CORO2B: variants seen among roughly 807,000 people sequenced by gnomAD.
CORO2B encodes the protein coronin-2B.
In CORO2B, 26 loss-of-function variants were observed where a neutral mutation model predicts 58.8. That is an observed-to-expected ratio of 0.44 (90% CI 0.32 to 0.61). The LOEUF is 0.61. Ranked by LOEUF, CORO2B falls within the 20% of genes least tolerant of loss-of-function variation. The pLI is 0.04. For synonymous variants in CORO2B, 242 were observed against 253.8 expected, an observed-to-expected ratio of 0.95 and a Z score of 0.44; for missense variants, 460 against 645.1, an observed-to-expected ratio of 0.71 and a Z score of 3.11.
At chr15:68,671,556 T>A (rs1266870375) in intron 2 of CORO2B, among the ~76,000 whole-genome samples, 1 of 152,148 alleles carries the variant, frequency 6.6e-6, no homozygotes. Flanking sequence ...TGGTTCAGGG[T>A]CTCATTTGGT....
In CORO2B at chr15:68,714,680, G is replaced by T. The variant is rs1324776228; in HGVS notation, c.870+17G>T. On this transcript the variant is annotated intron_variant, in intron 7 of 11. Transcript: ENST00000261861. Reference sequence around the variant, plus strand: ...GCTGGAAAGGTAGTAGGAGGTGGGGGAGGGCCCGGGGCAGCCTGTGGGAGA... The same window carrying T: ...GCTGGAAAGGTAGTAGGAGGTGGGGTAGGGCCCGGGGCAGCCTGTGGGAGA... 1 of 1,597,686 alleles carries T rather than the reference G, an allele frequency of 6.3e-7. No homozygotes were observed. Among genetic ancestry groups the T allele is most frequent in the Non-Finnish European group, 8.6e-7 (1 of 1,165,770 alleles).
At chr15:68,661,545 C>A (rs1332931071) in intron 2 of CORO2B, among the ~76,000 whole-genome samples, 5 of 152,162 alleles carry the variant, frequency 3.3e-5, no homozygotes, top group African/African-American at 1.2e-4. Context: ...GAGTTAGCAG[C>A]TTTACAGATA....
chr15:68,640,531 TAGG>T (rs1463496137), intron 1 of CORO2B, among the ~76,000 whole-genome samples: 9 of 145,662 alleles, frequency 6.2e-5, no homozygotes, highest in African/African-American at 2.3e-4. Flanking sequence ...AAAAAGGTGA[TAGG>T]AGTATTGTAG....
intron 3 of CORO2B, among the ~76,000 whole-genome samples, chr15:68,704,540 C>G (rs955817799): frequency 3.9e-5 from 6 of 152,114 alleles, no homozygotes. Flanking sequence ...AAGCTTCTTG[C>G]TTGTTGGCCA....
rs752158574 is a variant in CORO2B, at chr15:68,710,736, G to A, written c.338G>A (p.Arg113Gln). The change falls in exon 4 of 12, where the codon CGG becomes CAG. Residue 113 changes from arginine to glutamine, a missense_variant. By Grantham distance (43) the Arg-to-Gln change is conservative. This residue lies in a region of CORO2B where 352 missense variants were observed against 543.0 expected (regional missense o/e 0.65). Transcript: ENST00000261861. This position sits in a 1 kb window ranked among gnomAD's most constrained non-coding sequence, Gnocchi z 4.1. ...GACCCTCATCTCCCTCTGCAGGTGC[G>A]GATCTGGGAGATCCCCGAGGGCGGG... is the stretch of plus-strand genomic sequence containing the variant. ...IASCSEDTSV[R>Q]IWEIPEGGLK... The A allele has an allele frequency of 5.0e-6, 8 of 1,603,002 alleles. No individual in the cohort carries two copies. Among genetic ancestry groups the A allele is most frequent in the Admixed American group, 1.7e-5 (1 of 59,040 alleles).
At chr15:68,666,016 AC>A in intron 2 of CORO2B, among the ~76,000 whole-genome samples, 1 of 152,048 alleles carries the variant, frequency 6.6e-6, no homozygotes, top group Non-Finnish European at 1.5e-5. Context: ...TCAGGTATTT[AC>A]CTTTTACATA....
At chr15:68,565,783 T>C in the CORO2B span, among the ~76,000 whole-genome samples, 7 of 152,226 alleles carry the variant, frequency 4.6e-5, no homozygotes, top group Non-Finnish European at 7.3e-5. Flanking sequence ...TGGAGCCTTC[T>C]GTTCTGGATA....
intron 1 of CORO2B, among the ~76,000 whole-genome samples, chr15:68,614,053 C>T (rs1900298959): frequency 1.3e-5 from 2 of 152,194 alleles, no homozygotes; most frequent in African/African-American, 4.8e-5. Flanking sequence ...GGACCACCTG[C>T]ATTGGAATCT....
chr15:68,555,985 C>T, the CORO2B span, among the ~76,000 whole-genome samples: 2 of 152,228 alleles, frequency 1.3e-5, no homozygotes, highest in African/African-American at 2.4e-5. Flanking sequence ...AAAGGTTAAT[C>T]GTGGGCACAC....
chr15:68,531,196 T>G, the CORO2B span, among the ~76,000 whole-genome samples: 1 of 152,096 alleles, frequency 6.6e-6, no homozygotes, highest in Admixed American at 6.6e-5. Context: ...ACTTTCAAAA[T>G]AAGGCCTGGT....
At chr15:68,669,309 T>C (rs1436200692) in intron 2 of CORO2B, among the ~76,000 whole-genome samples, 1 of 152,152 alleles carries the variant, frequency 6.6e-6, no homozygotes, top group Non-Finnish European at 1.5e-5. Flanking sequence ...GGAGCCTTTA[T>C]CTCTCAGGAC....
In CORO2B at chr15:68,724,332, T is replaced by C. The variant is rs1007058328; in HGVS notation, c.1312-1511T>C. The stretch of plus-strand genomic sequence containing the variant: ...GAATCTGCCATGTCTTTCACACAAA[T>C]CACACCTTAACTCCCATTTCCAGTT... On this transcript the variant is annotated intron_variant, in intron 11 of 11. Transcript: ENST00000261861. Among the ~76,000 whole-genome samples, 17 of 152,234 alleles carry C rather than the reference T, an allele frequency of 1.1e-4. 1 individual carries two copies. Among genetic ancestry groups the C allele is most frequent in the African/African-American group, 4.1e-4 (17 of 41,454 alleles).
chr15:68,667,658 G>T (rs1273143295), intron 2 of CORO2B, among the ~76,000 whole-genome samples: 1 of 152,236 alleles, frequency 6.6e-6, no homozygotes, highest in Non-Finnish European at 1.5e-5. Context: ...TTTGCACTGG[G>T]CCTCTCTATT....
At chr15:68,606,668 G>A (rs1207183732) in intron 1 of CORO2B, among the ~76,000 whole-genome samples, 3 of 152,308 alleles carry the variant, frequency 2.0e-5, no homozygotes, top group East Asian at 1.9e-4. Context: ...GAAAGGATGA[G>A]GATATTTTGC....
the CORO2B span, among the ~76,000 whole-genome samples, chr15:68,556,255 G>A: frequency 8.5e-5 from 13 of 152,200 alleles, no homozygotes; most frequent in African/African-American, 3.1e-4. Context: ...CACCCTGGAA[G>A]GGCAGAGCCC....
At chr15:68,544,835 G>A in the CORO2B span, among the ~76,000 whole-genome samples, 1 of 150,998 alleles carries the variant, frequency 6.6e-6, no homozygotes. Flanking sequence ...GGAGTGCGAC[G>A]GCACAATCTC....
Position 68,710,605 on chromosome 15 carries a change from G to T in CORO2B, c.334-127G>T. ...AGGCCTCAGTCGAGCTTTGCCCATC[G>T]CCTCAAGCCAGGAGGTGGCTCATCA... On this transcript the variant is annotated intron_variant, in intron 3 of 11. Transcript: ENST00000261861. The surrounding 1 kb of genome is among the most constrained non-coding windows in gnomAD (Gnocchi z 4.1). 8.7e-7 allele frequency: 1 copy of T among 1,148,114 alleles called. No individual in the cohort carries two copies. The highest frequency in any genetic ancestry group is 1.9e-5 in the South Asian group (1 of 51,740). 71.1% of individuals were successfully genotyped at this position (1,148,114 alleles called of 1,614,324 possible). A position where few individuals can be genotyped will look rare whatever the true frequency, so the allele number is the denominator to read the frequency against.
the CORO2B span, among the ~76,000 whole-genome samples, chr15:68,548,137 C>A: frequency 3.3e-5 from 5 of 151,924 alleles, no homozygotes; most frequent in African/African-American, 1.2e-4. Context: ...TGCCACTGCA[C>A]TCCAGCCTGG....
At chr15:68,539,516 T>TA in the CORO2B span, among the ~76,000 whole-genome samples, 21 of 150,680 alleles carry the variant, frequency 1.4e-4, no homozygotes, top group African/African-American at 9.7e-5. Context: ...CCACTAAAAA[T>TA]AAAAAAAAAT....
Sources: allele counts gnomAD v4.1 joint callset (sites outside exome capture counted in the v4.1 genomes callset), GRCh38; gene constraint gnomAD v4.1.1; regional missense constraint gnomAD v4.1.1; non-coding constraint Gnocchi (gnomAD v3.1); transcripts MANE v1.5; gene names NCBI Gene and HGNC (gene_info 2026-07-23, HGNC 2026-07-21).